The following ODAD2 variants were observed in gnomAD, a reference collection of about 807,000 sequenced individuals.
ODAD2 encodes the protein outer dynein arm docking complex subunit 2, also known as outer dynein arm-docking complex subunit 2.
Under a neutral mutation model 106.8 loss-of-function variants are expected in ODAD2, and 89 were observed. The observed-to-expected ratio is 0.83, with a 90% CI of 0.70 to 0.99. The LOEUF (loss-of-function observed/expected upper bound fraction) is 0.99, where lower values mean the gene tolerates loss of function less well. Among genes scored for constraint, ODAD2 ranks in the 50% least tolerant of loss-of-function variants. The probability of loss-of-function intolerance (pLI) is 0.00; values close to 1 mark genes in which losing one functional copy is unlikely to be tolerated. For synonymous variants in ODAD2, 404 were observed against 436.2 expected, an observed-to-expected ratio of 0.93 and a Z score of 0.92; for missense variants, 1,168 against 1,238.5, an observed-to-expected ratio of 0.94 and a Z score of 0.85.
chr10:27,935,999 G>A (rs2134094381), intron 15 of ODAD2, among the ~76,000 whole-genome samples: 1 of 152,230 alleles, frequency 6.6e-6, no homozygotes, highest in South Asian at 2.1e-4. Context: ...TGATGCAGCT[G>A]AGTTTTTAAT....
chr10:27,959,255 GGAAA>G (rs145961853), intron 10 of ODAD2, among the ~76,000 whole-genome samples: 2 of 142,794 alleles, frequency 1.4e-5, no homozygotes, highest in East Asian at 4.1e-4. Context: ...GAAGAAAGAA[GGAAA>G]GAAAGAAAGG....
At chr10:27,867,000 C>T (rs74127133) in intron 17 of ODAD2, among the ~76,000 whole-genome samples, 1 of 151,414 alleles carries the variant, frequency 6.6e-6, no homozygotes, top group African/African-American at 2.4e-5. Context: ...CTCAAGAAAA[C>T]CGGGAGGAAT....
At position 27,930,643 on chromosome 10, in the gene ODAD2, AAAAG is replaced by A. The variant is rs749709863; in HGVS notation, c.2495+4363_2495+4366del. On this transcript the variant is annotated intron_variant, in intron 16 of 19. Coordinates refer to ENST00000305242, the MANE Select transcript of ODAD2 (RefSeq NM_018076.5). ...CTCTGTCTCAAAAAAAAAAAAAAGA[AAAAG>A]AAAAAGGCAAACAAAAACTTTATAT... Among the ~76,000 whole-genome samples the A allele has an allele frequency of 2.3e-3, 354 of 152,078 alleles. 1 individual carries two copies. The highest frequency in any genetic ancestry group is 4.2e-3 in the Admixed American group (64 of 15,274).
At chr10:27,984,392 T>A in intron 4 of ODAD2, 102 bp from the exon 5 acceptor site, 1 of 804,196 alleles carries the variant, frequency 1.2e-6, no homozygotes, top group Non-Finnish European at 2.0e-6. Context: ...TTTTTGTAAT[T>A]AAAATTGCAG....
chr10:27,820,434 AT>A (rs1165338074), intron 19 of ODAD2, among the ~76,000 whole-genome samples: 1 of 151,940 alleles, frequency 6.6e-6, no homozygotes, highest in African/African-American at 2.4e-5. Flanking sequence ...TGTCAAGCAT[AT>A]GAGTCATAAT....
chr10:27,946,751 CCTT>C lies in ODAD2; in HGVS notation c.1387-1792_1387-1790del, dbSNP rs1475821153. ...CATACAAGCTTCCCACACACCTCCT[CCTT>C]CTTATGACACATGTACACATATGCA... On this transcript the variant is annotated intron_variant, in intron 10 of 19. Coordinates refer to ENST00000305242, the MANE Select transcript of ODAD2 (RefSeq NM_018076.5). Among the ~76,000 whole-genome samples, 6 of 152,168 alleles carry C rather than the reference CCTT, an allele frequency of 3.9e-5. No individual in the cohort carries two copies. In the East Asian group the frequency reaches 5.8e-4, roughly 15 times the overall value.
intron 12 of ODAD2, 57 bp downstream of exon 12, chr10:27,944,165 A>T: frequency 7.0e-7 from 1 of 1,434,506 alleles, no homozygotes; most frequent in Non-Finnish European, 9.6e-7. Context: ...GACAGCAAGG[A>T]GCTGTGTGCA....
At chr10:27,931,189 G>A (rs1026079200) in intron 16 of ODAD2, among the ~76,000 whole-genome samples, 3 of 152,160 alleles carry the variant, frequency 2.0e-5, no homozygotes, top group Admixed American at 6.5e-5. Context: ...TATTTGGGGG[G>A]AAATCTTGAG....
At chr10:27,914,166 A>G (rs1348942733) in intron 16 of ODAD2, among the ~76,000 whole-genome samples, 3 of 152,160 alleles carry the variant, frequency 2.0e-5, no homozygotes, top group African/African-American at 7.2e-5. Context: ...GAATGAGATC[A>G]AACAATAAAT....
At chr10:27,995,253 T>G in intron 1 of ODAD2, 73 bp from the exon 2 acceptor site, 1 of 1,423,938 alleles carries the variant, frequency 7.0e-7, no homozygotes, top group Non-Finnish European at 9.4e-7. Context: ...TTCTCAAGAC[T>G]TTAAACTAGT....
At chr10:27,999,223 G>A (rs1850737455), upstream of ODAD2, among the ~76,000 whole-genome samples, 1 of 152,218 alleles carries the variant, frequency 6.6e-6, no homozygotes, top group Admixed American at 6.5e-5. Flanking sequence ...CGGTGGGAAA[G>A]GTTGACTTTG....
chr10:27,852,217 T>C (rs1042290828), intron 19 of ODAD2, among the ~76,000 whole-genome samples: 10 of 152,072 alleles, frequency 6.6e-5, no homozygotes, highest in African/African-American at 1.5e-4. Context: ...CAGGAGAAAA[T>C]CTGCATTTAC....
In ODAD2 at chr10:27,939,896, C is replaced by A. The variant is rs149368374; in HGVS notation, c.2097+1G>T. ...ACAACCGCTGGGAGAGTTCACTGCA[C>A]CTGGTAAATGGCCATGGCGCAGTGC... On this transcript the variant is annotated splice_donor_variant, in intron 14 of 19. Coordinates refer to ENST00000305242, the MANE Select transcript of ODAD2 (RefSeq NM_018076.5). LOFTEE classifies it high-confidence loss of function. 21 of 1,588,896 alleles carry A rather than the reference C, an allele frequency of 1.3e-5. No homozygotes were observed. The African/African-American group carries it at 2.7e-4, about 21-fold the overall frequency.
At chr10:27,845,195 G>A (rs182917790) in intron 19 of ODAD2, among the ~76,000 whole-genome samples, 3 of 152,334 alleles carry the variant, frequency 2.0e-5, no homozygotes, top group Admixed American at 6.5e-5. Flanking sequence ...CACACAAAGG[G>A]AAGCCCATCA....
chr10:27,946,141 T>C (rs1846903716), intron 10 of ODAD2, among the ~76,000 whole-genome samples: 1 of 148,380 alleles, frequency 6.7e-6, no homozygotes, highest in Admixed American at 6.8e-5. Flanking sequence ...TATTTTTAAA[T>C]ATATAAAATA....
rs373921442 is a variant in ODAD2 at position 27,961,610 on chromosome 10, T to C, written c.1344A>G (p.Pro448=). ...GCTTCTGAATTTGCCAATATTCTGA[T>C]GGCAAATCTGCACTTGCTTCCTGAC... is the stretch of plus-strand genomic sequence containing the variant. ...DHRQEASADL[P]SEYWQIQKLV... is the part of the protein sequence containing the mutation. The change falls in exon 10 of 20, where the codon CCA becomes CCG. Residue 448 remains proline (P), a synonymous_variant. Transcript: ENST00000305242. 2.5e-6 allele frequency: 4 copies of C among 1,612,684 alleles called. No individual in the cohort carries two copies. Among genetic ancestry groups the C allele is most frequent in the East Asian group, 4.5e-5 (2 of 44,870 alleles).
At chr10:27,955,282 C>A (rs1280928891) in intron 10 of ODAD2, among the ~76,000 whole-genome samples, 1 of 152,024 alleles carries the variant, frequency 6.6e-6, no homozygotes, top group Admixed American at 6.6e-5. Flanking sequence ...CTAATATGGC[C>A]TTCCAAACAT....
chr10:27,886,097 C>G (rs1842202579), intron 17 of ODAD2, among the ~76,000 whole-genome samples: 2 of 149,974 alleles, frequency 1.3e-5, no homozygotes, highest in East Asian at 3.9e-4. Context: ...GAGAAAAGGA[C>G]AGGAAAATTA....
At chr10:27,813,877 G>GT (rs557617027) in intron 19 of ODAD2, among the ~76,000 whole-genome samples, 19 of 152,302 alleles carry the variant, frequency 1.2e-4, no homozygotes, top group African/African-American at 4.6e-4. Flanking sequence ...GGAATAAAAG[G>GT]TAAGGATAGT....
Sources: gnomAD v4.1 joint callset for allele counts (sites outside exome capture counted in the v4.1 genomes callset) on GRCh38, gnomAD v4.1.1 for gene constraint, MANE v1.5 for transcripts, NCBI Gene and HGNC (gene_info 2026-07-23, HGNC 2026-07-21) for gene names.